Variants in PCM1 observed in about 807,000 individuals in gnomAD.
The protein encoded by PCM1 is pericentriolar material 1 protein.
In PCM1, 157 loss-of-function variants were observed where a neutral mutation model predicts 241.9. The observed-to-expected ratio is 0.65, with a 90% CI of 0.57 to 0.74. PCM1 has a LOEUF of 0.74. Ranked by LOEUF, PCM1 falls within the 30% of genes least tolerant of loss-of-function variation. PCM1 has a pLI of 0.00. For synonymous variants in PCM1, 1,085 were observed against 784.9 expected (o/e 1.38, Z -6.39); for missense variants, 3,478 against 2,360.1 (o/e 1.47, Z -9.81).
At chr8:17,932,754 G>A (rs754169102) in intron 2 of PCM1, among the ~76,000 whole-genome samples, 12 of 151,618 alleles carry the variant, frequency 7.9e-5, no homozygotes, top group Non-Finnish European at 1.6e-4. Context: ...TAAGTTCTCT[G>A]TTTTTAAAAA....
intron 23 of PCM1, among the ~76,000 whole-genome samples, chr8:17,978,370 T>C (rs2079495508): frequency 1.3e-5 from 2 of 152,206 alleles, no homozygotes; most frequent in Non-Finnish European, 2.9e-5. Flanking sequence ...CAGCTGGCTG[T>C]TGTCTAGCCA....
intron 36 of PCM1, among the ~76,000 whole-genome samples, chr8:18,023,116 C>T (rs3886397): frequency 0.45 from 68,661 of 151,542 alleles, 17,287 homozygotes; most frequent in Non-Finnish European, 0.59. Flanking sequence ...CTCCTTTGCC[C>T]CTTTCTCTCA....
chr8:17,950,508 T>C, intron 7 of PCM1, 107 bp from the exon 8 acceptor site: 1 of 636,614 alleles, frequency 1.6e-6, no homozygotes, highest in Non-Finnish European at 2.7e-6. Context: ...TCAAGTTACG[T>C]ATGTGAGCTT....
At chr8:17,968,730 A>ATGTGTGTGTG (rs551909289) in intron 21 of PCM1, among the ~76,000 whole-genome samples, 1,859 of 134,644 alleles carry the variant, frequency 0.014, 19 homozygotes, top group East Asian at 0.03. Context: ...GGATGTATAT[A>ATGTGTGTGTG]TGTGTGTGTG....
rs767154757 is a variant in PCM1 at position 17,950,757 on chromosome 8, A to C, written c.1071+33A>C. 26 of 1,141,484 alleles carry C rather than the reference A, an allele frequency of 2.3e-5. No homozygotes were observed. In the South Asian group the frequency reaches 3.2e-4, roughly 14 times the overall value. 70.7% of individuals were successfully genotyped at this position (1,141,484 alleles called of 1,614,324 possible). On this transcript the variant is annotated intron_variant, in intron 8 of 38. Coordinates refer to ENST00000325083, the MANE Select transcript of PCM1 (RefSeq NM_006197.4). ...AGATGTTTTAGTATAGTTGAGTTTA[A>C]AAAATCACATTAATTAGAACAGTGA...
chr8:18,003,671 T>C (rs573939849), intron 29 of PCM1, among the ~76,000 whole-genome samples: 1 of 152,264 alleles, frequency 6.6e-6, no homozygotes, highest in South Asian at 2.1e-4. Flanking sequence ...GCACTTAAGA[T>C]ACTGGATAAA....
intron 36 of PCM1, chr8:18,015,731 G>C (rs1028750726): frequency 3.3e-5 from 5 of 152,060 alleles, no homozygotes; most frequent in African/African-American, 1.2e-4. Flanking sequence ...TGTCAGAGTA[G>C]GATTTGAAAG....
intron 6 of PCM1, among the ~76,000 whole-genome samples, chr8:17,943,533 T>G (rs555980345): frequency 2.6e-5 from 4 of 152,298 alleles, no homozygotes; most frequent in African/African-American, 9.6e-5. Context: ...CTTTTTTTCT[T>G]AAGGCATTAC....
At chr8:17,948,374 G>T (rs181716856) in intron 7 of PCM1, among the ~76,000 whole-genome samples, 2 of 132,104 alleles carry the variant, frequency 1.5e-5, no homozygotes, top group South Asian at 2.3e-4. Flanking sequence ...GCATGTTCTC[G>T]GCTCACTGCA....
chr8:17,963,197 C>T lies in PCM1; in HGVS notation c.2560C>T (p.Gln854Ter), dbSNP rs1336576204. ...TCTGATGGCTGAACATCAGAGGAGG[C>T]AAGGTCTAGCTGAAACTGCATCTCC... ...EALMAEHQRR[Q>*]GLAETASPVA... Residue 854 changes from glutamine (Q) to a stop codon, truncating the protein, a stop_gained, in exon 17 of 39, where the codon CAA becomes TAA. Transcript: ENST00000325083. LOFTEE classifies it high-confidence loss of function. 5 of 1,613,438 alleles carry T rather than the reference C, an allele frequency of 3.1e-6. No individual in the cohort carries two copies. Among genetic ancestry groups the T allele is most frequent in the South Asian group, 1.1e-5 (1 of 91,012 alleles).
intron 28 of PCM1, among the ~76,000 whole-genome samples, chr8:17,992,717 A>G (rs759289106): frequency 1.3e-5 from 2 of 151,532 alleles, no homozygotes; most frequent in African/African-American, 4.9e-5. Context: ...GCCAGGCTCA[A>G]GTGATTCTCA....
At chr8:17,986,548 A>G (rs544077764) in intron 26 of PCM1, among the ~76,000 whole-genome samples, 11 of 151,746 alleles carry the variant, frequency 7.2e-5, no homozygotes, top group Middle Eastern at 3.4e-3. Context: ...ATTCTAATTC[A>G]TGGAGAAAAT....
At chr8:17,949,337 C>T (rs1462958376) in intron 7 of PCM1, among the ~76,000 whole-genome samples, 1 of 151,926 alleles carries the variant, frequency 6.6e-6, no homozygotes, top group Non-Finnish European at 1.5e-5. Flanking sequence ...ATTTAACTAA[C>T]AAGTTACATA....
chr8:17,923,212 C>G (rs896738469), intron 1 of PCM1, 24 bp downstream of exon 1: 1 of 152,442 alleles, frequency 6.6e-6, no homozygotes, highest in Non-Finnish European at 1.5e-5. Flanking sequence ...GTCCCCAGCC[C>G]TTGGCAACCT....
chr8:18,019,836 G>C (rs761123851), intron 36 of PCM1, among the ~76,000 whole-genome samples: 33 of 152,150 alleles, frequency 2.2e-4, no homozygotes, highest in Admixed American at 5.9e-4. Context: ...GCAGATCCCT[G>C]CTGTAGAGTA....
intron 23 of PCM1, among the ~76,000 whole-genome samples, chr8:17,979,051 T>A (rs778612651): frequency 7.3e-5 from 11 of 151,136 alleles, no homozygotes; most frequent in Non-Finnish European, 1.3e-4. Flanking sequence ...TTGAGCCTGG[T>A]AGGTGGAGTT....
chr8:18,008,647 G>C (rs1051344114), intron 30 of PCM1, among the ~76,000 whole-genome samples: 2 of 152,150 alleles, frequency 1.3e-5, no homozygotes, highest in Admixed American at 6.5e-5. Context: ...TTAATGCATA[G>C]TTACAACAGT....
chr8:18,027,664 A>G lies in PCM1; in HGVS notation c.*2A>G. On this transcript the variant is annotated 3_prime_UTR_variant, in exon 39 of 39. Transcript: ENST00000325083. ...ACGGTGGGAGCCCAGAGTATATGAG[A>G]TGTCTTCAGAGGCTCATCTAACTCT... The G allele has an allele frequency of 6.3e-7, 1 of 1,587,050 alleles. No individual in the cohort carries two copies. The highest frequency in any genetic ancestry group is 1.1e-5 in the South Asian group (1 of 87,602).
intron 36 of PCM1, among the ~76,000 whole-genome samples, chr8:18,019,763 C>A (rs1237442117): frequency 6.6e-6 from 1 of 152,180 alleles, no homozygotes; most frequent in African/African-American, 2.4e-5. Flanking sequence ...CTGGCTCCCC[C>A]CACCACTCAC....
Sources: allele counts gnomAD v4.1 joint callset (sites outside exome capture counted in the v4.1 genomes callset), GRCh38; gene constraint gnomAD v4.1.1; transcripts MANE v1.5; gene names NCBI Gene and HGNC (gene_info 2026-07-23, HGNC 2026-07-21).